ADAMTS2: variants seen among roughly 807,000 people sequenced by gnomAD.
ADAMTS2 encodes the protein A disintegrin and metalloproteinase with thrombospondin motifs 2.
Under a neutral mutation model 123.0 loss-of-function variants are expected in ADAMTS2, and 50 were observed. The observed-to-expected ratio is 0.41, with a 90% confidence interval of 0.32 to 0.51. ADAMTS2 has a LOEUF of 0.51. ADAMTS2 is among the 20% of genes least tolerant of loss of function. The pLI is 0.35. For missense variants in ADAMTS2, 1,494 were observed against 1,705.2 expected (o/e 0.88, Z 2.18); for synonymous variants, 678 against 695.4 (o/e 0.98, Z 0.39).
chr5:179,150,391 C>T (rs2411906), intron 10 of ADAMTS2, among the ~76,000 whole-genome samples: 92,600 of 152,122 alleles, frequency 0.61, 28,294 homozygotes, highest in South Asian at 0.65. Flanking sequence ...CAACTCACTT[C>T]GGACTTCTAA....
chr5:179,325,481 C>T (rs945222522), intron 2 of ADAMTS2, among the ~76,000 whole-genome samples: 12 of 152,334 alleles, frequency 7.9e-5, no homozygotes, highest in African/African-American at 2.4e-4. Flanking sequence ...ATCCTCTCCC[C>T]GACCCACTCC....
intron 4 of ADAMTS2, among the ~76,000 whole-genome samples, chr5:179,192,176 G>A (rs983162499): frequency 1.3e-5 from 2 of 152,202 alleles, no homozygotes; most frequent in Non-Finnish European, 2.9e-5. Flanking sequence ...CATGACAGAG[G>A]GCTGCAGGCC....
chr5:179,244,946 A>G (rs1765750189), intron 3 of ADAMTS2, among the ~76,000 whole-genome samples: 2 of 152,228 alleles, frequency 1.3e-5, no homozygotes, highest in African/African-American at 4.8e-5. Context: ...TGTAGCATAT[A>G]TAGCTGTGTG....
At chr5:179,232,294 C>G (rs1237315948) in intron 3 of ADAMTS2, among the ~76,000 whole-genome samples, 1 of 152,214 alleles carries the variant, frequency 6.6e-6, no homozygotes, top group African/African-American at 2.4e-5. Context: ...CACACGGGAT[C>G]CCTGACAGAC....
intron 2 of ADAMTS2, among the ~76,000 whole-genome samples, chr5:179,333,601 T>TG (rs1413803129): frequency 6.8e-6 from 1 of 146,896 alleles, no homozygotes. Context: ...TTTCTGTTTT[T>TG]TTTTTTTTTT....
At chr5:179,224,983 C>G (rs1765246242) in intron 3 of ADAMTS2, among the ~76,000 whole-genome samples, 2 of 152,238 alleles carry the variant, frequency 1.3e-5, no homozygotes, top group Admixed American at 1.3e-4. Flanking sequence ...GCCTCTGCCT[C>G]ACAGTGGCTG....
intron 3 of ADAMTS2, among the ~76,000 whole-genome samples, chr5:179,208,640 C>G (rs55669906): frequency 0.097 from 14,832 of 152,272 alleles, 855 homozygotes; most frequent in South Asian, 0.19. Context: ...GCTTCAGTTC[C>G]CAGCCCTCCA....
At chr5:179,149,756 G>A (rs1467224870) in intron 10 of ADAMTS2, among the ~76,000 whole-genome samples, 1 of 152,208 alleles carries the variant, frequency 6.6e-6, no homozygotes, top group East Asian at 1.9e-4. Flanking sequence ...CCCGGGAGGA[G>A]CCCGTCTTCC....
In ADAMTS2 at chr5:179,155,333, A is replaced by G. The variant is rs933985307; in HGVS notation, c.1133-414T>C. ...CTGCTTCCACACCTCTCTCTGCTAG[A>G]GGCATCCTGCCCCTCGTCTGCCTGG... On this transcript the variant is annotated intron_variant, in intron 6 of 21. Transcript: ENST00000251582. The surrounding 1 kb of genome is among the most constrained non-coding windows in gnomAD (Gnocchi z 5.1). Among the ~76,000 whole-genome samples the G allele has an allele frequency of 2.1e-4, 32 of 152,122 alleles. No homozygotes were observed. The highest frequency in any genetic ancestry group is 7.5e-4 in the African/African-American group (31 of 41,426).
chr5:179,280,002 C>A (rs548905526), intron 2 of ADAMTS2, among the ~76,000 whole-genome samples: 1 of 152,212 alleles, frequency 6.6e-6, no homozygotes, highest in Non-Finnish European at 1.5e-5. Flanking sequence ...TCTTGGAGAG[C>A]GACCCCTTGT....
chr5:179,320,622 C>T (rs1407067944), intron 2 of ADAMTS2, among the ~76,000 whole-genome samples: 2 of 152,114 alleles, frequency 1.3e-5, no homozygotes, highest in Non-Finnish European at 2.9e-5. Flanking sequence ...CTGGCCCACC[C>T]TTCTCCTTCT....
In ADAMTS2 at chr5:179,162,286, C is replaced by T. The variant is rs542351989; in HGVS notation, c.976-3407G>A. On this transcript the variant is annotated intron_variant, in intron 5 of 21. Coordinates refer to ENST00000251582, the MANE Select transcript of ADAMTS2 (RefSeq NM_014244.5). The surrounding 1 kb of genome is among the most constrained non-coding windows in gnomAD (Gnocchi z 5.1). ...GCAGGCCTGGCCAATCCCAGCACCA[C>T]GCCTTCCTGGCCACCATGAAGGATC... Among the ~76,000 whole-genome samples the T allele has an allele frequency of 2.9e-4, 44 of 152,028 alleles. No homozygotes were observed. Among genetic ancestry groups the T allele is most frequent in the Admixed American group, 2.0e-4 (3 of 15,306 alleles).
At chr5:179,329,159 C>T (rs1757403811) in intron 2 of ADAMTS2, among the ~76,000 whole-genome samples, 1 of 152,018 alleles carries the variant, frequency 6.6e-6, no homozygotes, top group Non-Finnish European at 1.5e-5. Flanking sequence ...AACCCCGTCT[C>T]TACTAAAAAT....
intron 2 of ADAMTS2, among the ~76,000 whole-genome samples, chr5:179,333,482 T>C (rs1757530616): frequency 2.0e-5 from 3 of 152,094 alleles, no homozygotes; most frequent in Admixed American, 1.3e-4. Context: ...ATGGGGCCTA[T>C]GTACAGATGC....
intron 2 of ADAMTS2, among the ~76,000 whole-genome samples, chr5:179,282,438 T>G (rs1766941064): frequency 6.6e-6 from 1 of 152,232 alleles, no homozygotes; most frequent in East Asian, 1.9e-4. Flanking sequence ...TTGTCAAGAA[T>G]CAATATGAGG....
chr5:179,300,140 C>T (rs1028876966), intron 2 of ADAMTS2, among the ~76,000 whole-genome samples: 1 of 151,412 alleles, frequency 6.6e-6, no homozygotes. Flanking sequence ...TACACTGTGC[C>T]ATCCAGGATA....
rs571623824 is a variant in ADAMTS2, at chr5:179,188,408, G to T, written c.892-7253C>A. On this transcript the variant is annotated intron_variant, in intron 4 of 21. Coordinates refer to ENST00000251582, the MANE Select transcript of ADAMTS2 (RefSeq NM_014244.5). This position sits in a 1 kb window ranked among gnomAD's most constrained non-coding sequence, Gnocchi z 5.1. ...AGAAGAGAGTGCAGCCAGGAGCAGG[G>T]GACAGAGGTCTGCTGGCCTCCGTGG... Among the ~76,000 whole-genome samples, 1 of 152,284 alleles carries T rather than the reference G, an allele frequency of 6.6e-6. No individual in the cohort carries two copies. Among genetic ancestry groups the T allele is most frequent in the East Asian group, 1.9e-4 (1 of 5,166 alleles).
At chr5:179,286,458 G>C (rs1183401011) in intron 2 of ADAMTS2, among the ~76,000 whole-genome samples, 2 of 152,138 alleles carry the variant, frequency 1.3e-5, no homozygotes, top group East Asian at 3.9e-4. Flanking sequence ...CAGGGGGCTG[G>C]GGTGGCAGGG....
rs115022686 is a variant in ADAMTS2 at position 179,278,752 on chromosome 5, C to T, written c.535-5688G>A. On this transcript the variant is annotated intron_variant, in intron 2 of 21. Coordinates refer to ENST00000251582, the MANE Select transcript of ADAMTS2 (RefSeq NM_014244.5). ...GGCTCTGTCCCTGACCTTCAGGTGC[C>T]ACCGCAGGGGCCCAGAGCCTGGTAG... Among the ~76,000 whole-genome samples, 1,289 of 152,074 alleles carry T rather than the reference C, an allele frequency of 8.5e-3. 16 individuals are homozygous for T. Among genetic ancestry groups the T allele is most frequent in the African/African-American group, 0.029 (1,221 of 41,434 alleles).
Sources: allele counts gnomAD v4.1 joint callset (sites outside exome capture counted in the v4.1 genomes callset), GRCh38; gene constraint gnomAD v4.1.1; non-coding constraint Gnocchi (gnomAD v3.1); transcripts MANE v1.5; gene names NCBI Gene and HGNC (gene_info 2026-07-23, HGNC 2026-07-21).